Variants in TNKS2 observed in about 807,000 individuals in gnomAD.
TNKS2 encodes poly [ADP-ribose] polymerase tankyrase-2.
Under a neutral mutation model 137.6 loss-of-function variants are expected in TNKS2, and 72 were observed. That is an observed-to-expected ratio of 0.52 (90% CI 0.43 to 0.64). The LOEUF (loss-of-function observed/expected upper bound fraction) is 0.64, where lower values mean the gene tolerates loss of function less well. Ranked by LOEUF, TNKS2 falls within the 30% of genes least tolerant of loss-of-function variation. The probability of loss-of-function intolerance (pLI) is 0.00; values close to 1 mark genes in which losing one functional copy is unlikely to be tolerated. For synonymous variants in TNKS2, 516 were observed against 512.1 expected, an observed-to-expected ratio of 1.01 and a Z score of -0.10; for missense variants, 1,049 against 1,410.2, an observed-to-expected ratio of 0.74 and a Z score of 4.10.
Position 91,829,104 on chromosome 10 carries a change from A to G in TNKS2, c.1104+698A>G, listed in dbSNP as rs569573328. ...AGTTGCAGAATGTGCTTCAGGTGAG[A>G]GAAGATAAGTAAGTTAATGTGTGTA... On this transcript the variant is annotated intron_variant, in intron 9 of 26. Transcript: ENST00000371627. 7.2e-5 allele frequency among the ~76,000 whole-genome samples: 11 copies of G among 152,286 alleles called. No homozygotes were observed. The East Asian group carries it at 2.1e-3, about 29-fold the overall frequency.
At chr10:91,843,737 T>A (rs1238810359) in intron 16 of TNKS2, among the ~76,000 whole-genome samples, 1 of 152,222 alleles carries the variant, frequency 6.6e-6, no homozygotes, top group Non-Finnish European at 1.5e-5. Flanking sequence ...TTTGTCTAAA[T>A]ATACATGATT....
intron 1 of TNKS2, among the ~76,000 whole-genome samples, chr10:91,803,745 A>G (rs752425715): frequency 2.0e-4 from 31 of 152,332 alleles, no homozygotes; most frequent in African/African-American, 2.2e-4. Flanking sequence ...ATACCTTCCA[A>G]TCTCCCAGAC....
chr10:91,826,990 A>C, intron 7 of TNKS2, 27 bp from the exon 8 acceptor site: 1 of 1,484,176 alleles, frequency 6.7e-7, no homozygotes. Flanking sequence ...AAAATTGAAC[A>C]TTAAATATAT....
chr10:91,816,713 A>G (rs969807291), intron 2 of TNKS2, among the ~76,000 whole-genome samples: 6 of 148,180 alleles, frequency 4.0e-5, no homozygotes, highest in Admixed American at 6.8e-5. Flanking sequence ...AAAATCCTAC[A>G]TATCTCTGTT....
chr10:91,842,299 G>T lies in TNKS2; in HGVS notation c.1967G>T (p.Gly656Val). The change falls in exon 16 of 27, where the codon GGT (glycine) becomes GTT (valine). Residue 656 changes from glycine to valine, a missense_variant. Gly to Val is a moderately radical substitution (Grantham distance 109). Around this residue, in one of 6 missense-constraint regions of TNKS2, gnomAD observed 328 missense variants for 436.0 expected, o/e 0.75. Coordinates refer to ENST00000371627, the MANE Select transcript of TNKS2 (RefSeq NM_025235.4). ...GCTTTGCTAGATGCTGCCAAGAAGGGTTGTTTAGCCAGAGTGAAGAAGTTG... is the reference window on the plus strand; with the variant it reads ...GCTTTGCTAGATGCTGCCAAGAAGGTTTGTTTAGCCAGAGTGAAGAAGTTG... ...DAALLDAAKK[G>V]CLARVKKLSS... 2 of 1,614,162 alleles carry T rather than the reference G, an allele frequency of 1.2e-6. No homozygotes were observed. Among genetic ancestry groups the T allele is most frequent in the Non-Finnish European group, 1.7e-6 (2 of 1,180,020 alleles).
At chr10:91,817,288 G>A in intron 3 of TNKS2, 59 bp downstream of exon 3, 1 of 1,240,982 alleles carries the variant, frequency 8.1e-7, no homozygotes. Context: ...TTGCCAGGTA[G>A]GAAATTTGCC....
At chr10:91,822,171 A>G (rs1291743839) in intron 6 of TNKS2, 125 bp from the exon 7 acceptor site, 5 of 717,078 alleles carry the variant, frequency 7.0e-6, no homozygotes, top group Non-Finnish European at 8.7e-6. Flanking sequence ...GAACATTTTT[A>G]TTAGAACATC....
intron 13 of TNKS2, among the ~76,000 whole-genome samples, chr10:91,839,433 C>T (rs1564621332): frequency 6.6e-6 from 1 of 151,942 alleles, no homozygotes; most frequent in African/African-American, 2.4e-5. Flanking sequence ...ACGTCTGCCT[C>T]CCAGGTTCAA....
rs780774756 is a variant in TNKS2, at chr10:91,863,013, G to T, written c.*14G>T. On this transcript the variant is annotated 3_prime_UTR_variant, in exon 27 of 27. Coordinates refer to ENST00000371627, the MANE Select transcript of TNKS2 (RefSeq NM_025235.4). ...GTCGATGGATAAATAGTTATTTTAA[G>T]AAACTAATTCCACTGAACCTAAAAT... 3.2e-6 allele frequency: 5 copies of T among 1,579,622 alleles called. No individual in the cohort carries two copies. In the South Asian group the frequency reaches 5.6e-5, roughly 18 times the overall value.
At chr10:91,832,613 G>A (rs559560683) in intron 11 of TNKS2, among the ~76,000 whole-genome samples, 1 of 152,096 alleles carries the variant, frequency 6.6e-6, no homozygotes, top group African/African-American at 2.4e-5. Flanking sequence ...TCTAGTTTTA[G>A]GTTCATTGAG....
chr10:91,822,323 T>C lies in TNKS2; in HGVS notation c.756T>C (p.Cys252=). 4 of 1,613,644 alleles carry C rather than the reference T, an allele frequency of 2.5e-6. No homozygotes were observed. Among genetic ancestry groups the C allele is most frequent in the Non-Finnish European group, 3.4e-6 (4 of 1,179,766 alleles). ...KGDLVPLHNA[C]SYGHYEVTEL... is the part of the protein sequence containing the mutation. ...ATCTGGTACCATTACACAATGCCTG[T>C]TCTTATGGTCATTATGAAGTAACTG... is the stretch of plus-strand genomic sequence containing the variant. Residue 252 remains cysteine, a synonymous_variant, in exon 7 of 27, where the codon TGT becomes TGC. Coordinates refer to ENST00000371627, the MANE Select transcript of TNKS2 (RefSeq NM_025235.4).
chr10:91,813,816 C>T (rs1189427117), intron 2 of TNKS2, among the ~76,000 whole-genome samples: 2 of 152,096 alleles, frequency 1.3e-5, no homozygotes, highest in Admixed American at 1.3e-4. Flanking sequence ...CTGAAAAATT[C>T]CTGTCACCTA....
intron 18 of TNKS2, 29 bp from the exon 19 acceptor site, chr10:91,848,354 G>A: frequency 1.3e-6 from 2 of 1,597,722 alleles, no homozygotes; most frequent in African/African-American, 2.7e-5. Context: ...CTTGCTTATG[G>A]CAGATGTTGT....
intron 17 of TNKS2, among the ~76,000 whole-genome samples, chr10:91,845,329 T>G (rs916830209): frequency 5.3e-5 from 8 of 152,146 alleles, no homozygotes; most frequent in Admixed American, 1.3e-4. Flanking sequence ...ACCAACGGGG[T>G]AGATGGAATC....
At chr10:91,821,295 G>A (rs896745039) in intron 6 of TNKS2, among the ~76,000 whole-genome samples, 2 of 151,646 alleles carry the variant, frequency 1.3e-5, no homozygotes, top group African/African-American at 4.9e-5. Context: ...GCCTCCCAAA[G>A]TGCTCAGATT....
At chr10:91,831,540 C>T (rs1293722884) in intron 11 of TNKS2, among the ~76,000 whole-genome samples, 1 of 152,128 alleles carries the variant, frequency 6.6e-6, no homozygotes, top group Non-Finnish European at 1.5e-5. Context: ...TTATTTACCC[C>T]AACCACCGTT....
chr10:91,814,706 A>G (rs1219185838), intron 2 of TNKS2, among the ~76,000 whole-genome samples: 1 of 152,242 alleles, frequency 6.6e-6, no homozygotes, highest in East Asian at 1.9e-4. Context: ...TATTCGGTAC[A>G]GTAACATGCT....
At chr10:91,822,394 C>T (rs762369132) in intron 7 of TNKS2, 32 bp downstream of exon 7, 3 of 1,532,818 alleles carry the variant, frequency 2.0e-6, no homozygotes, top group Non-Finnish European at 2.7e-6. Context: ...TAATTACTTT[C>T]TAGAGTTATA....
chr10:91,816,205 C>T (rs1306667492), intron 2 of TNKS2, among the ~76,000 whole-genome samples: 3 of 152,094 alleles, frequency 2.0e-5, no homozygotes, highest in Non-Finnish European at 4.4e-5. Flanking sequence ...GCCTCGGCCT[C>T]CCAAAGTGCT....
Sources: gnomAD v4.1 joint callset for allele counts (sites outside exome capture counted in the v4.1 genomes callset) on GRCh38, gnomAD v4.1.1 for gene constraint, gnomAD v4.1.1 regional missense constraint, MANE v1.5 for transcripts, NCBI Gene and HGNC (gene_info 2026-07-23, HGNC 2026-07-21) for gene names.